Variants in MARCHF3 observed in about 807,000 individuals in gnomAD.
MARCHF3 encodes the protein membrane associated ring-CH-type finger 3, also known as E3 ubiquitin-protein ligase MARCHF3.
A neutral mutation model predicts 24.2 loss-of-function variants in MARCHF3; 13 were observed. That is an observed-to-expected ratio of 0.54 (90% CI 0.35 to 0.85). MARCHF3 has a LOEUF of 0.85. Among genes scored for constraint, MARCHF3 ranks in the 40% least tolerant of loss-of-function variants. MARCHF3 has a pLI of 0.01. For missense variants in MARCHF3, 276 were observed against 325.0 expected, an observed-to-expected ratio of 0.85 and a Z score of 1.16; for synonymous variants, 144 against 137.3, an observed-to-expected ratio of 1.05 and a Z score of -0.34.
At chr5:126,980,260 G>C (rs1751351061) in intron 1 of MARCHF3, among the ~76,000 whole-genome samples, 1 of 152,150 alleles carries the variant, frequency 6.6e-6, no homozygotes, top group Admixed American at 6.6e-5. Flanking sequence ...AATCCATTAT[G>C]AAGGGAATAG....
chr5:126,959,625 T>C (rs928174386), intron 1 of MARCHF3, among the ~76,000 whole-genome samples: 1 of 152,148 alleles, frequency 6.6e-6, no homozygotes, highest in Admixed American at 6.5e-5. Flanking sequence ...CACACTAATG[T>C]AAGACATTAA....
At chr5:126,960,453 C>A (rs1003562550) in intron 1 of MARCHF3, among the ~76,000 whole-genome samples, 1 of 152,058 alleles carries the variant, frequency 6.6e-6, no homozygotes, top group Non-Finnish European at 1.5e-5. Flanking sequence ...TCAATATTTG[C>A]AAATTGAAAT....
intron 1 of MARCHF3, among the ~76,000 whole-genome samples, chr5:126,974,473 G>A (rs1490303088): frequency 6.6e-6 from 1 of 152,164 alleles, no homozygotes; most frequent in South Asian, 2.1e-4. Flanking sequence ...GTTGCTCTCT[G>A]GGTAATCAGA....
At position 126,870,615 on chromosome 5, in the gene MARCHF3, C is replaced by A. The variant is rs776829667; in HGVS notation, c.*18G>T. On this transcript the variant is annotated 3_prime_UTR_variant, in exon 5 of 5. Transcript: ENST00000308660. Reference sequence around the variant, plus strand: ...AACCCCAAACAATGAATCAAACAACCAACCAACCATACAAACATCAAACAA... The same window carrying A: ...AACCCCAAACAATGAATCAAACAACAAACCAACCATACAAACATCAAACAA... 9 of 1,612,920 alleles carry A rather than the reference C, an allele frequency of 5.6e-6. No homozygotes were observed. The East Asian group carries it at 2.0e-4, about 36-fold the overall frequency.
chr5:126,974,594 C>A (rs539277990), intron 1 of MARCHF3, among the ~76,000 whole-genome samples: 3 of 152,306 alleles, frequency 2.0e-5, no homozygotes, highest in Admixed American at 2.0e-4. Context: ...GTTCTGAAAT[C>A]AAAATCATTG....
intron 3 of MARCHF3, among the ~76,000 whole-genome samples, chr5:126,894,450 G>T (rs374121186): frequency 6.6e-6 from 1 of 150,840 alleles, no homozygotes; most frequent in African/African-American, 2.4e-5. Flanking sequence ...CATGTTTAGC[G>T]CTTCCTTCAG....
chr5:126,926,429 G>A lies in MARCHF3; in HGVS notation c.-56-8202C>T, dbSNP rs181149509. ...TACTTTGCATTTACACACAAGATAA[G>A]CAAGGTCACTCAGCTTGCCAAGGAA... is the stretch of plus-strand genomic sequence containing the variant. On this transcript the variant is annotated intron_variant, in intron 1 of 4. Transcript: ENST00000308660. Among the ~76,000 whole-genome samples, 60 of 152,232 alleles carry A rather than the reference G, an allele frequency of 3.9e-4. 1 individual carries two copies. The highest frequency in any genetic ancestry group is 1.4e-3 in the African/African-American group (60 of 41,538).
chr5:126,977,071 A>G (rs965411242), intron 1 of MARCHF3, among the ~76,000 whole-genome samples: 1 of 152,234 alleles, frequency 6.6e-6, no homozygotes, highest in Non-Finnish European at 1.5e-5. Flanking sequence ...TCCACCCAAC[A>G]TAATCAGCAC....
At chr5:126,952,055 C>T (rs927957732) in intron 1 of MARCHF3, among the ~76,000 whole-genome samples, 1 of 152,150 alleles carries the variant, frequency 6.6e-6, no homozygotes, top group Non-Finnish European at 1.5e-5. Flanking sequence ...CCATGTTGAT[C>T]AGGCTGGTCT....
At chr5:126,918,364 T>G in intron 1 of MARCHF3, 137 bp from the exon 2 acceptor site, 1 of 606,418 alleles carries the variant, frequency 1.6e-6, no homozygotes, top group Admixed American at 3.3e-5. Flanking sequence ...CATTATCTTG[T>G]TACTGTTTAA....
chr5:126,879,976 A>G (rs1026500225), intron 3 of MARCHF3, among the ~76,000 whole-genome samples: 16 of 151,760 alleles, frequency 1.1e-4, no homozygotes, highest in Admixed American at 3.9e-4. Context: ...CCAAGTGGCC[A>G]GGGCAGCGAA....
intron 1 of MARCHF3, among the ~76,000 whole-genome samples, chr5:126,971,134 G>T (rs778788001): frequency 1.3e-5 from 2 of 152,070 alleles, no homozygotes; most frequent in Non-Finnish European, 2.9e-5. Context: ...CGTTTGGAGA[G>T]AAGTAGAATG....
chr5:126,964,787 C>T (rs1338691013), intron 1 of MARCHF3, among the ~76,000 whole-genome samples: 5 of 152,092 alleles, frequency 3.3e-5, no homozygotes, highest in Admixed American at 2.6e-4. Context: ...CAGTGTGAGA[C>T]CAGCTGAACC....
intron 1 of MARCHF3, among the ~76,000 whole-genome samples, chr5:126,989,526 T>G (rs902106212): frequency 6.6e-6 from 1 of 152,066 alleles, no homozygotes; most frequent in Non-Finnish European, 1.5e-5. Flanking sequence ...ATGAATCTTG[T>G]TCGTGTCTAA....
intron 1 of MARCHF3, among the ~76,000 whole-genome samples, chr5:126,958,752 T>C (rs1302109028): frequency 6.6e-6 from 1 of 152,184 alleles, no homozygotes; most frequent in African/African-American, 2.4e-5. Flanking sequence ...AGGAGACAAG[T>C]TGACAACGGC....
chr5:126,999,652 T>C (rs1752062291), intron 1 of MARCHF3, among the ~76,000 whole-genome samples: 1 of 152,202 alleles, frequency 6.6e-6, no homozygotes. Context: ...GGCAGAGAGA[T>C]ATATTTTCAA....
chr5:126,985,533 G>C (rs975518869), intron 1 of MARCHF3, among the ~76,000 whole-genome samples: 2 of 149,788 alleles, frequency 1.3e-5, no homozygotes, highest in Admixed American at 1.3e-4. Context: ...GCAGTGGCAC[G>C]ATCTTGGCTC....
intron 1 of MARCHF3, among the ~76,000 whole-genome samples, chr5:126,939,163 A>G (rs1472375277): frequency 6.6e-6 from 1 of 152,216 alleles, no homozygotes; most frequent in Non-Finnish European, 1.5e-5. Flanking sequence ...AGGGTTGATT[A>G]TAACAGGTGA....
At chr5:126,877,513 G>A (rs1753197121) in intron 4 of MARCHF3, among the ~76,000 whole-genome samples, 3 of 152,172 alleles carry the variant, frequency 2.0e-5, no homozygotes, top group Admixed American at 1.3e-4. Context: ...TCAACTTACT[G>A]CATGAAGTTA....
Sources: gnomAD v4.1 joint callset for allele counts (sites outside exome capture counted in the v4.1 genomes callset) on GRCh38, gnomAD v4.1.1 for gene constraint, MANE v1.5 for transcripts, NCBI Gene and HGNC (gene_info 2026-07-23, HGNC 2026-07-21) for gene names.